SEC63: variants seen among roughly 807,000 people sequenced by gnomAD.
SEC63 encodes the protein SEC63 protein translocation regulator.
SEC63 carries 56 observed loss-of-function variants against 116.2 expected under a neutral mutation model. The ratio of observed to expected loss-of-function variants is 0.48; its 90% CI spans 0.39 to 0.60. The LOEUF (loss-of-function observed/expected upper bound fraction) is 0.60, where lower values mean the gene tolerates loss of function less well. SEC63 is among the 20% of genes least tolerant of loss of function. The pLI is 0.00. For missense variants in SEC63, 668 were observed against 900.0 expected, an observed-to-expected ratio of 0.74 and a Z score of 3.30; for synonymous variants, 273 against 294.6, an observed-to-expected ratio of 0.93 and a Z score of 0.75.
intron 1 of SEC63, among the ~76,000 whole-genome samples, chr6:107,935,409 A>C (rs1490915613): frequency 6.6e-6 from 1 of 151,340 alleles, no homozygotes; most frequent in African/African-American, 2.4e-5. Context: ...TGTAGAAAGA[A>C]GTAGACATGG....
chr6:107,890,139 T>C (rs1321496925), intron 16 of SEC63, among the ~76,000 whole-genome samples: 2 of 151,784 alleles, frequency 1.3e-5, no homozygotes, highest in African/African-American at 4.8e-5. Flanking sequence ...ATATCCTTGT[T>C]AATTTTCTGT....
chr6:107,907,648 C>T (rs485736), intron 8 of SEC63, among the ~76,000 whole-genome samples: 13,866 of 152,058 alleles, frequency 0.091, 2,098 homozygotes, highest in African/African-American at 0.31. Flanking sequence ...GTGCACAGAC[C>T]TTGGTATTTT....
chr6:107,911,334 G>A lies in SEC63; in HGVS notation c.624+12C>T, dbSNP rs1387306531. ...TCCAAAAAAAACATTAACTTAAAAA[G>A]CTAAAACTTACCACAACAACTGGAA... On this transcript the variant is annotated intron_variant, in intron 7 of 20. Transcript: ENST00000369002. 6.3e-7 allele frequency: 1 copy of A among 1,588,350 alleles called. No individual in the cohort carries two copies. Among genetic ancestry groups the A allele is most frequent in the Non-Finnish European group, 8.6e-7 (1 of 1,157,554 alleles).
intron 16 of SEC63, among the ~76,000 whole-genome samples, chr6:107,892,269 G>A (rs1018389968): frequency 1.1e-4 from 16 of 151,998 alleles, no homozygotes; most frequent in African/African-American, 2.4e-4. Flanking sequence ...CAGTCTGGCC[G>A]CAGTAGCCTT....
rs772850832 is a variant in SEC63, at chr6:107,871,818, T to C, written c.2169A>G (p.Pro723=). 9 of 1,613,692 alleles carry C rather than the reference T, an allele frequency of 5.6e-6. No individual in the cohort carries two copies. The highest frequency in any genetic ancestry group is 2.7e-5 in the African/African-American group (2 of 74,940). The change falls in exon 21 of 21, where the codon CCA becomes CCG. Residue 723 remains proline (P), a synonymous_variant. Transcript: ENST00000369002. ...CTGTATCCCACTGTGGGTGATTTTC[T>C]GGCACAGGCTTAGCCTCATGAACTT... ...KLEVHEAKPV[P]ENHPQWDTAI...
intron 1 of SEC63, among the ~76,000 whole-genome samples, chr6:107,947,620 C>A (rs969480770): frequency 1.3e-5 from 2 of 152,158 alleles, no homozygotes; most frequent in African/African-American, 2.4e-5. Context: ...AATCCCCAAA[C>A]TGATCATTGG....
chr6:107,868,388 G>C lies in SEC63; in HGVS notation c.*3316C>G, dbSNP rs1389926256. The C allele has an allele frequency of 1.3e-5, 2 of 152,162 alleles. No homozygotes were observed. Among genetic ancestry groups the C allele is most frequent in the African/African-American group, 2.4e-5 (1 of 41,396 alleles). 9.4% of individuals were successfully genotyped at this position (152,162 alleles called of 1,614,324 possible). ...GAGGCCAGGAGTTCGAGACCAGGCT[G>C]GACAACGTGGCAAAATCCCATCTCT... On this transcript the variant is annotated 3_prime_UTR_variant, in exon 21 of 21. Coordinates refer to ENST00000369002, the MANE Select transcript of SEC63 (RefSeq NM_007214.5).
At chr6:107,919,775 T>TCGCG (rs1475089666) in intron 4 of SEC63, among the ~76,000 whole-genome samples, 14 of 149,984 alleles carry the variant, frequency 9.3e-5, no homozygotes, top group Admixed American at 6.7e-5. Flanking sequence ...TGAGCCAAGA[T>TCGCG]CGCGCCACTC....
At chr6:107,930,119 GAGA>G (rs1245547865) in intron 1 of SEC63, 2 of 149,248 alleles carry the variant, frequency 1.3e-5, no homozygotes, top group African/African-American at 2.5e-5. Flanking sequence ...GAGCAATACA[GAGA>G]AGATTAGCAT....
In SEC63 at chr6:107,880,624, G is replaced by A. The variant is rs147867674; in HGVS notation, c.1935+525C>T. ...AGCTCTTATGGAACTTTATTTATTA[G>A]AGCCAAGAACACAGTTGGTCCCACA... On this transcript the variant is annotated intron_variant, in intron 18 of 20. Coordinates refer to ENST00000369002, the MANE Select transcript of SEC63 (RefSeq NM_007214.5). Among the ~76,000 whole-genome samples, 92 of 152,270 alleles carry A rather than the reference G, an allele frequency of 6.0e-4. 1 individual carries two copies. The East Asian group carries it at 0.017, about 29-fold the overall frequency.
At chr6:107,899,423 CA>C (rs1173701592) in intron 13 of SEC63, among the ~76,000 whole-genome samples, 2 of 152,144 alleles carry the variant, frequency 1.3e-5, no homozygotes, top group Non-Finnish European at 2.9e-5. Flanking sequence ...TTCTAAGAAG[CA>C]TGTACTTTTG....
At chr6:107,918,193 G>A (rs1787458581) in intron 4 of SEC63, among the ~76,000 whole-genome samples, 1 of 151,696 alleles carries the variant, frequency 6.6e-6, no homozygotes, top group Non-Finnish European at 1.5e-5. Flanking sequence ...ATGACAGCAT[G>A]TGTTGACAGC....
intron 13 of SEC63, among the ~76,000 whole-genome samples, 174 bp downstream of exon 13, chr6:107,901,196 A>C (rs1264083549): frequency 6.6e-6 from 1 of 152,236 alleles, no homozygotes; most frequent in Non-Finnish European, 1.5e-5. Context: ...TTCTCAAACT[A>C]TTAGGTATAA....
chr6:107,899,814 GTTTTA>G, intron 13 of SEC63, among the ~76,000 whole-genome samples: 1 of 152,296 alleles, frequency 6.6e-6, no homozygotes, highest in Non-Finnish European at 1.5e-5. Flanking sequence ...TATTTGGACA[GTTTTA>G]TTAAATCAGC....
chr6:107,929,670 T>C (rs1293663940), intron 1 of SEC63, among the ~76,000 whole-genome samples, 156 bp from the exon 2 acceptor site: 1 of 152,238 alleles, frequency 6.6e-6, no homozygotes, highest in Non-Finnish European at 1.5e-5. Context: ...ACTTACAAGA[T>C]AGGTTAAATT....
intron 1 of SEC63, among the ~76,000 whole-genome samples, chr6:107,951,464 G>T (rs1479650181): frequency 6.6e-6 from 1 of 152,066 alleles, no homozygotes; most frequent in Non-Finnish European, 1.5e-5. Context: ...TTTGGATTTT[G>T]TTGTTGTTGT....
At chr6:107,916,922 T>C (rs1325282177) in intron 4 of SEC63, among the ~76,000 whole-genome samples, 1 of 152,192 alleles carries the variant, frequency 6.6e-6, no homozygotes, top group Non-Finnish European at 1.5e-5. Context: ...AACCCTAAAA[T>C]GGCCTCTGTT....
intron 1 of SEC63, among the ~76,000 whole-genome samples, chr6:107,952,243 A>G (rs1185569671): frequency 1.3e-5 from 2 of 152,230 alleles, no homozygotes; most frequent in Non-Finnish European, 2.9e-5. Context: ...AATGTTTTAG[A>G]TAACAGGTAC....
intron 4 of SEC63, among the ~76,000 whole-genome samples, chr6:107,921,303 G>A (rs1385494128): frequency 6.6e-6 from 1 of 151,870 alleles, no homozygotes; most frequent in East Asian, 1.9e-4. Flanking sequence ...ATTTAATCAA[G>A]TTTACATGGC....
Sources: allele counts gnomAD v4.1 joint callset (sites outside exome capture counted in the v4.1 genomes callset), GRCh38; gene constraint gnomAD v4.1.1; transcripts MANE v1.5; gene names NCBI Gene and HGNC (gene_info 2026-07-23, HGNC 2026-07-21).